Variants in CLK4 observed in about 807,000 individuals in gnomAD.
CLK4 encodes the protein dual specificity protein kinase CLK4.
Under a neutral mutation model 64.4 loss-of-function variants are expected in CLK4, and 37 were observed. The observed-to-expected ratio is 0.57, with a 90% CI of 0.44 to 0.76. The LOEUF (loss-of-function observed/expected upper bound fraction) is 0.76, where lower values mean the gene tolerates loss of function less well. CLK4 is among the 30% of genes least tolerant of loss of function. The pLI is 0.00. For missense variants in CLK4, 457 were observed against 605.1 expected (o/e 0.76, Z 2.57); for synonymous variants, 175 against 191.6 (o/e 0.91, Z 0.72).
At chr5:178,623,065 A>ACTTT in intron 2 of CLK4, 191 bp downstream of exon 2, 1 of 556,414 alleles carries the variant, frequency 1.8e-6, no homozygotes. Flanking sequence ...GACATACATA[A>ACTTT]GGATAAGAAC....
intron 10 of CLK4, among the ~76,000 whole-genome samples, chr5:178,606,362 C>T (rs776599452): frequency 3.9e-5 from 6 of 152,170 alleles, no homozygotes; most frequent in Non-Finnish European, 7.3e-5. Flanking sequence ...AACCATGATT[C>T]TAAGACATCA....
chr5:178,608,796 A>G (rs1562127138), intron 9 of CLK4, among the ~76,000 whole-genome samples: 1 of 152,220 alleles, frequency 6.6e-6, no homozygotes, highest in Non-Finnish European at 1.5e-5. Context: ...TAAAACCATT[A>G]TTATGCTCAG....
At chr5:178,606,787 AC>A (rs555386825) in intron 10 of CLK4, among the ~76,000 whole-genome samples, 2 of 151,790 alleles carry the variant, frequency 1.3e-5, no homozygotes, top group Non-Finnish European at 2.9e-5. Context: ...ACACAGCAAA[AC>A]CCTCTACTAA....
chr5:178,624,660 G>GT (rs1764754843), intron 1 of CLK4, among the ~76,000 whole-genome samples: 2 of 152,154 alleles, frequency 1.3e-5, no homozygotes, highest in South Asian at 4.1e-4. Context: ...AACAGGGTGA[G>GT]TTTAAATGGT....
chr5:178,604,096 C>T (rs1027416687), intron 11 of CLK4, 162 bp from the exon 12 acceptor site: 9 of 507,700 alleles, frequency 1.8e-5, no homozygotes, highest in South Asian at 3.0e-5. Flanking sequence ...AATTATATAT[C>T]GGACACCTCA....
intron 1 of CLK4, among the ~76,000 whole-genome samples, chr5:178,625,843 T>C (rs905049147): frequency 6.6e-6 from 1 of 152,206 alleles, no homozygotes; most frequent in Non-Finnish European, 1.5e-5. Context: ...CCACTCACCC[T>C]GCAATGTTCA....
Position 178,603,832 on chromosome 5 carries a change from TTTTTC to T in CLK4, c.1305+7_1305+11del. 6.3e-7 allele frequency: 1 copy of T among 1,597,854 alleles called. No homozygotes were observed. Among genetic ancestry groups the T allele is most frequent in the Non-Finnish European group, 8.5e-7 (1 of 1,175,776 alleles). On this transcript the variant is annotated splice_region_variant and intron_variant, in intron 12 of 12. Transcript: ENST00000316308. ...ACGTGGTTTATTTAACCTTTAATCT[TTTTTC>T]TTTTACCTTCAACGGTTTGCAGCGT...
intron 10 of CLK4, among the ~76,000 whole-genome samples, chr5:178,606,935 G>A (rs1581704226): frequency 6.6e-6 from 1 of 151,318 alleles, no homozygotes; most frequent in East Asian, 1.9e-4. Flanking sequence ...ACTCCAGCCT[G>A]GGTGACACAG....
At chr5:178,615,850 A>G (rs1426052270) in intron 5 of CLK4, among the ~76,000 whole-genome samples, 1 of 152,246 alleles carries the variant, frequency 6.6e-6, no homozygotes, top group Non-Finnish European at 1.5e-5. Context: ...TGAGGCAGAA[A>G]GGGTCAAATC....
In CLK4 at chr5:178,615,775, C is replaced by T. The variant is rs143716453; in HGVS notation, c.542+1107G>A. On this transcript the variant is annotated intron_variant, in intron 5 of 12. Coordinates refer to ENST00000316308, the MANE Select transcript of CLK4 (RefSeq NM_020666.3). ...AGAAATGTGAAGTTTCGCAAAAGTT[C>T]TAAGAGCTTCTCTTACAAAAGTTTT... Among the ~76,000 whole-genome samples the T allele has an allele frequency of 5.2e-3, 799 of 152,210 alleles. 7 individuals are homozygous for T. Among genetic ancestry groups the T allele is most frequent in the African/African-American group, 0.018 (757 of 41,540 alleles).
At chr5:178,603,997 CCCATGAGGGGAGA>C in intron 11 of CLK4, 63 bp from the exon 12 acceptor site, 1 of 1,215,488 alleles carries the variant, frequency 8.2e-7, no homozygotes. Flanking sequence ...TTACCCTGCA[CCCATGAGGGGAGA>C]CATGGAAAGC....
At position 178,623,422 on chromosome 5, in the gene CLK4, G is replaced by C. The variant is rs1157170151; in HGVS notation, c.1-6C>G. 2 of 1,603,216 alleles carry C rather than the reference G, an allele frequency of 1.2e-6. No individual in the cohort carries two copies. Among genetic ancestry groups the C allele is most frequent in the African/African-American group, 2.7e-5 (2 of 74,458 alleles). On this transcript the variant is annotated splice_region_variant and splice_polypyrimidine_tract_variant and intron_variant, in intron 1 of 12. Transcript: ENST00000316308. ...GTTCTTTTGGAATGCCGCATCTGTT[G>C]ATAGAAATGAAAAGGGAATTGTGGA...
chr5:178,613,015 GT>G (rs892184282), intron 7 of CLK4, 125 bp from the exon 8 acceptor site: 58 of 511,580 alleles, frequency 1.1e-4, no homozygotes, highest in African/African-American at 9.9e-5. Context: ...TAAAATGTCT[GT>G]TTTTTTAGTG....
intron 9 of CLK4, among the ~76,000 whole-genome samples, chr5:178,610,106 T>C (rs964366918): frequency 1.4e-4 from 21 of 151,544 alleles, no homozygotes; most frequent in Non-Finnish European, 7.4e-5. Flanking sequence ...CTGGCCAATG[T>C]GGTGAAACCC....
At chr5:178,604,782 G>A (rs1764442045) in intron 11 of CLK4, 1 of 152,184 alleles carries the variant, frequency 6.6e-6, no homozygotes, top group Non-Finnish European at 1.5e-5. Context: ...CAGTTCCGAG[G>A]GGTTGGGGAC....
At chr5:178,619,835 T>G in intron 2 of CLK4, 3 of 1,277,430 alleles carry the variant, frequency 2.3e-6, no homozygotes, top group South Asian at 1.2e-5. Context: ...TCCCCCTCTC[T>G]ACCTGGGATG....
chr5:178,622,410 C>T, intron 2 of CLK4: 2 of 986,352 alleles, frequency 2.0e-6, no homozygotes, highest in Non-Finnish European at 2.4e-6. Context: ...TAAAGTAACC[C>T]CAGCTGGCTA....
chr5:178,620,904 G>C (rs1289984861), intron 2 of CLK4, among the ~76,000 whole-genome samples: 2 of 152,156 alleles, frequency 1.3e-5, no homozygotes, highest in African/African-American at 4.8e-5. Flanking sequence ...AGGGAAGCCA[G>C]GATTTGGAAA....
At chr5:178,620,989 C>G (rs1273495830) in intron 2 of CLK4, among the ~76,000 whole-genome samples, 1 of 152,072 alleles carries the variant, frequency 6.6e-6, no homozygotes, top group Non-Finnish European at 1.5e-5. Context: ...CACTTTTAGC[C>G]ACAATGGCTT....
Sources: gnomAD v4.1 joint callset for allele counts (sites outside exome capture counted in the v4.1 genomes callset) on GRCh38, gnomAD v4.1.1 for gene constraint, MANE v1.5 for transcripts, NCBI Gene and HGNC (gene_info 2026-07-23, HGNC 2026-07-21) for gene names.